MAPDA: variants seen among roughly 807,000 people sequenced by gnomAD.
MAPDA encodes N6,N6-dimethyl-AMP deaminase.
At chr15:43,338,522 A>G in the MAPDA span, among the ~76,000 whole-genome samples, 2 of 152,280 alleles carry the variant, frequency 1.3e-5, no homozygotes, top group African/African-American at 4.8e-5. Flanking sequence ...CACACAGAGT[A>G]AGTGGCAGTA....
At chr15:43,349,069 TC>T in the MAPDA span, 1 of 1,613,986 alleles carries the variant, frequency 6.2e-7, no homozygotes, top group Non-Finnish European at 8.5e-7. Context: ...TTTCAGGTCT[TC>T]CAGATGACTC....
chr15:43,332,574 T>A, the MAPDA span, among the ~76,000 whole-genome samples: 6 of 152,172 alleles, frequency 3.9e-5, no homozygotes, highest in African/African-American at 1.4e-4. Flanking sequence ...GCCTTATGAT[T>A]TAGGCCGGGG....
At chr15:43,331,444 T>C in the MAPDA span, among the ~76,000 whole-genome samples, 2 of 152,248 alleles carry the variant, frequency 1.3e-5, no homozygotes, top group South Asian at 2.1e-4. Context: ...TTATCATTTG[T>C]TCACTGGGAT....
chr15:43,341,496 A>G, the MAPDA span, among the ~76,000 whole-genome samples: 16 of 152,364 alleles, frequency 1.1e-4, no homozygotes, highest in African/African-American at 2.9e-4. Flanking sequence ...CTCATGTTAA[A>G]TGACTGAACT....
chr15:43,340,634 C>T, the MAPDA span, among the ~76,000 whole-genome samples: 2 of 152,154 alleles, frequency 1.3e-5, no homozygotes, highest in Admixed American at 1.3e-4. Flanking sequence ...CAACAATCAC[C>T]TCAGCCTCTA....
chr15:43,349,189 C>G, the MAPDA span: 1 of 1,446,792 alleles, frequency 6.9e-7, no homozygotes. Context: ...CTTTCTGAGC[C>G]TTATTTAAAA....
At chr15:43,348,716 G>A in the MAPDA span, among the ~76,000 whole-genome samples, 1 of 152,110 alleles carries the variant, frequency 6.6e-6, no homozygotes. Flanking sequence ...TCATTGAAAT[G>A]AATCTAGAAG....
At chr15:43,335,877 T>G in the MAPDA span, 1 of 1,580,432 alleles carries the variant, frequency 6.3e-7, no homozygotes, top group South Asian at 1.2e-5. Flanking sequence ...TATCAGTATT[T>G]TGAGATTGTA....
At chr15:43,330,670 G>A in the MAPDA span, 8 of 623,092 alleles carry the variant, frequency 1.3e-5, no homozygotes, top group African/African-American at 3.9e-5. Context: ...ATTGAGGAGG[G>A]TGTAGCCAGT....
chr15:43,335,723 A>G, the MAPDA span: 4 of 1,613,500 alleles, frequency 2.5e-6, no homozygotes, highest in Non-Finnish European at 3.4e-6. Context: ...GAATGGATCC[A>G]TTAGTTCTCA....
chr15:43,330,600 C>G, the MAPDA span: 2 of 1,262,028 alleles, frequency 1.6e-6, no homozygotes, highest in Admixed American at 3.5e-5. Flanking sequence ...TGCTCCTGGA[C>G]TTCCCCTTCC....
At chr15:43,349,161 TA>T in the MAPDA span, 1 of 1,516,954 alleles carries the variant, frequency 6.6e-7, no homozygotes, top group Non-Finnish European at 8.8e-7. Flanking sequence ...ATCTAGCTAT[TA>T]AAAGATGGAG....
chr15:43,332,636 A>G, the MAPDA span, among the ~76,000 whole-genome samples: 1 of 152,242 alleles, frequency 6.6e-6, no homozygotes, highest in African/African-American at 2.4e-5. Flanking sequence ...AAATGGGGAT[A>G]ATAATATCTC....
chr15:43,352,293 A>G, the MAPDA span: 81 of 186,482 alleles, frequency 4.3e-4, 1 homozygote, highest in South Asian at 5.0e-3. Flanking sequence ...TAAAGTTAGG[A>G]AAGTGGGGAA....
At chr15:43,349,302 T>A in the MAPDA span, 1 of 1,200,778 alleles carries the variant, frequency 8.3e-7, no homozygotes. Flanking sequence ...TCAATAAGAA[T>A]TTTTTAAAGG....
chr15:43,343,317 A>C, the MAPDA span, among the ~76,000 whole-genome samples: 1 of 152,246 alleles, frequency 6.6e-6, no homozygotes, highest in Non-Finnish European at 1.5e-5. Context: ...CATTAAGCTA[A>C]AATGAACTTC....
At chr15:43,353,101 C>T in the MAPDA span, 1 of 151,970 alleles carries the variant, frequency 6.6e-6, no homozygotes, top group African/African-American at 2.4e-5. Flanking sequence ...TCACTTTCTG[C>T]TTGGTCTGAA....
the MAPDA span, chr15:43,352,925 AAGAC>A: frequency 2.1e-4 from 32 of 152,070 alleles, no homozygotes; most frequent in Non-Finnish European, 1.2e-4. Flanking sequence ...AGGGGTGAGA[AAGAC>A]AGAAATAGCT....
At chr15:43,335,914 G>A in the MAPDA span, 1 of 1,505,166 alleles carries the variant, frequency 6.6e-7, no homozygotes, top group Non-Finnish European at 8.9e-7. Flanking sequence ...TCAGATTTTG[G>A]TAAACAGAAA....
Sources: gnomAD v4.1 joint callset for allele counts (sites outside exome capture counted in the v4.1 genomes callset) on GRCh38, gnomAD v4.1.1 for gene constraint, MANE v1.5 for transcripts, NCBI Gene and HGNC (gene_info 2026-07-23, HGNC 2026-07-21) for gene names.